MCM6: variants seen among roughly 807,000 people sequenced by gnomAD.
The protein encoded by MCM6 is minichromosome maintenance complex component 6, also known as DNA replication licensing factor MCM6.
A neutral mutation model predicts 94.3 loss-of-function variants in MCM6; 46 were observed. The ratio of observed to expected loss-of-function variants is 0.49; its 90% CI spans 0.39 to 0.62. MCM6 has a LOEUF of 0.62. MCM6 is among the 20% of genes least tolerant of loss of function. The pLI is 0.00. For synonymous variants in MCM6, 335 were observed against 351.9 expected, an observed-to-expected ratio of 0.95 and a Z score of 0.54; for missense variants, 865 against 1,017.9, an observed-to-expected ratio of 0.85 and a Z score of 2.04.
intron 16 of MCM6, among the ~76,000 whole-genome samples, chr2:135,843,057 G>C (rs972712864): frequency 6.6e-6 from 1 of 152,168 alleles, no homozygotes; most frequent in African/African-American, 2.4e-5. Flanking sequence ...GGCTTGGGTG[G>C]GCTGGTGAAG....
chr2:135,861,392 C>G (rs1679989845), intron 8 of MCM6, among the ~76,000 whole-genome samples: 1 of 152,050 alleles, frequency 6.6e-6, no homozygotes, highest in Non-Finnish European at 1.5e-5. Context: ...ACATGCCTGT[C>G]TGGGTGCTGC....
chr2:135,875,065 G>C (rs1398326264), intron 1 of MCM6, among the ~76,000 whole-genome samples: 1 of 152,176 alleles, frequency 6.6e-6, no homozygotes, highest in African/African-American at 2.4e-5. Flanking sequence ...CAGAATGTCA[G>C]TTTGGAAGAT....
intron 11 of MCM6, among the ~76,000 whole-genome samples, chr2:135,856,035 A>T (rs943641539): frequency 6.6e-6 from 1 of 152,066 alleles, no homozygotes. Context: ...ACTCATGATT[A>T]AAAAAAAGAA....
intron 14 of MCM6, among the ~76,000 whole-genome samples, chr2:135,846,711 CAAAAT>C (rs1366401593): frequency 6.6e-6 from 1 of 150,412 alleles, no homozygotes; most frequent in Non-Finnish European, 1.5e-5. Context: ...AAATGAAAAA[CAAAAT>C]AAACCGGCTA....
intron 7 of MCM6, among the ~76,000 whole-genome samples, chr2:135,864,050 G>A: frequency 6.6e-6 from 1 of 151,582 alleles, no homozygotes; most frequent in East Asian, 2.0e-4. Flanking sequence ...GGCAGAGGTT[G>A]CAGTGAGCTG....
chr2:135,871,382 T>C (rs1271910832), intron 2 of MCM6, among the ~76,000 whole-genome samples: 2 of 152,196 alleles, frequency 1.3e-5, no homozygotes, highest in African/African-American at 4.8e-5. Context: ...ATCCTGTTGC[T>C]TACTTACCCC....
chr2:135,857,012 A>C (rs1298815268), intron 10 of MCM6, 129 bp from the exon 11 acceptor site: 3 of 750,930 alleles, frequency 4.0e-6, no homozygotes, highest in Non-Finnish European at 6.3e-6. Context: ...TTTTTCACAT[A>C]AACAGGAACT....
intron 2 of MCM6, among the ~76,000 whole-genome samples, chr2:135,870,811 A>C (rs1200712169): frequency 2.0e-5 from 3 of 152,196 alleles, no homozygotes; most frequent in Admixed American, 2.0e-4. Flanking sequence ...CAGTGGCACG[A>C]TCACAGCTCA....
chr2:135,846,167 C>T (rs1246223705), intron 15 of MCM6, 70 bp downstream of exon 15: 13 of 1,480,132 alleles, frequency 8.8e-6, no homozygotes, highest in Non-Finnish European at 1.2e-5. Flanking sequence ...GTTTGGCAAT[C>T]ACAAGTGGCC....
At chr2:135,869,529 T>C (rs538152041) in intron 3 of MCM6, among the ~76,000 whole-genome samples, 6 of 152,264 alleles carry the variant, frequency 3.9e-5, no homozygotes, top group African/African-American at 1.4e-4. Flanking sequence ...GAAAAAATTT[T>C]GTACTCAAAG....
At chr2:135,870,961 C>T (rs1337004066) in intron 2 of MCM6, among the ~76,000 whole-genome samples, 1 of 152,086 alleles carries the variant, frequency 6.6e-6, no homozygotes, top group Non-Finnish European at 1.5e-5. Flanking sequence ...CCATGTTGTC[C>T]AGGCTGGTCT....
chr2:135,850,274 C>T (rs1392782376), intron 13 of MCM6, among the ~76,000 whole-genome samples: 1 of 152,102 alleles, frequency 6.6e-6, no homozygotes, highest in Non-Finnish European at 1.5e-5. Context: ...GGTTGTGATG[C>T]TCTATTCTCC....
intron 7 of MCM6, among the ~76,000 whole-genome samples, chr2:135,864,182 C>T (rs1680046705): frequency 6.6e-6 from 1 of 152,078 alleles, no homozygotes; most frequent in Admixed American, 6.5e-5. Context: ...GTATGGAAGA[C>T]AAGGATGGAA....
chr2:135,851,045 C>A (rs1016280706), intron 13 of MCM6, among the ~76,000 whole-genome samples: 1 of 152,168 alleles, frequency 6.6e-6, no homozygotes, highest in East Asian at 1.9e-4. Context: ...ACAAATGCAA[C>A]CTAAGGAGGA....
chr2:135,848,127 T>C lies in MCM6; in HGVS notation c.1979A>G (p.Glu660Gly). 6.2e-7 allele frequency: 1 copy of C among 1,611,288 alleles called. No homozygotes were observed. Among genetic ancestry groups the C allele is most frequent in the Non-Finnish European group, 8.5e-7 (1 of 1,177,478 alleles). Residue 660 changes from glutamate (E) to glycine (G), a missense_variant, in exon 14 of 17, where the codon GAA (glutamate) becomes GGA (glycine). Physicochemically the swap from Glu to Gly is moderately conservative, Grantham distance 98 (BLOSUM62 -2). This residue lies in a region of MCM6 where 308 missense variants were observed against 324.5 expected (regional missense o/e 0.95). Transcript: ENST00000264156. ...RLLNKSIIRV[E>G]TPDVNLDQEE... is the part of the protein sequence containing the mutation. ...TTGATCTAGATTGACATCAGGTGTTTCCACACGGATGATTGATTTATTCAG... is the reference window on the plus strand; with the variant it reads ...TTGATCTAGATTGACATCAGGTGTTCCCACACGGATGATTGATTTATTCAG...
In MCM6 at chr2:135,860,083, C is replaced by T. The variant is rs568906090; in HGVS notation, c.1221-641G>A. 2.0e-4 allele frequency among the ~76,000 whole-genome samples: 30 copies of T among 151,760 alleles called. 1 individual carries two copies. The South Asian group carries it at 2.1e-3, about 11-fold the overall frequency. On this transcript the variant is annotated intron_variant, in intron 8 of 16. Coordinates refer to ENST00000264156, the MANE Select transcript of MCM6 (RefSeq NM_005915.6). ...CCTCCCAAAGTGCTGGGATTACAGG[C>T]GTGAGCCACCACACCTAGCCTAAAA...
At chr2:135,857,534 T>C (rs1679914177) in intron 10 of MCM6, among the ~76,000 whole-genome samples, 1 of 152,184 alleles carries the variant, frequency 6.6e-6, no homozygotes, top group South Asian at 2.1e-4. Context: ...AGATTCTCCC[T>C]AGTGTTGGTT....
At chr2:135,876,217 G>A in intron 1 of MCM6, 42 bp downstream of exon 1, 1 of 1,492,838 alleles carries the variant, frequency 6.7e-7, no homozygotes. Context: ...AGACGCCGCA[G>A]GCTCCGGAGG....
intron 9 of MCM6, among the ~76,000 whole-genome samples, chr2:135,859,029 C>G (rs1679940836): frequency 6.6e-6 from 1 of 151,968 alleles, no homozygotes; most frequent in African/African-American, 2.4e-5. Context: ...TAGCTGGGAC[C>G]ACAAGCACCC....
Sources: allele counts gnomAD v4.1 joint callset (sites outside exome capture counted in the v4.1 genomes callset), GRCh38; gene constraint gnomAD v4.1.1; regional missense constraint gnomAD v4.1.1; transcripts MANE v1.5; gene names NCBI Gene and HGNC (gene_info 2026-07-23, HGNC 2026-07-21).